Variants in RUFY1 observed in about 807,000 individuals in gnomAD.
RUFY1 encodes the protein RUN and FYVE domain-containing protein 1.
Under a neutral mutation model 94.6 loss-of-function variants are expected in RUFY1, and 54 were observed. The ratio of observed to expected loss-of-function variants is 0.57; its 90% CI spans 0.46 to 0.72. The LOEUF is 0.72. Among genes scored for constraint, RUFY1 ranks in the 30% least tolerant of loss-of-function variants. The pLI is 0.00. For missense variants in RUFY1, 883 were observed against 883.9 expected (o/e 1.00, Z 0.01); for synonymous variants, 396 against 347.3 (o/e 1.14, Z -1.56).
chr5:179,601,842 AAG>A, intron 14 of RUFY1, 48 bp from the exon 15 acceptor site: 6 of 1,070,472 alleles, frequency 5.6e-6, no homozygotes, highest in East Asian at 2.5e-5. Context: ...AAAAAAAAAA[AAG>A]GACCGTGTAA....
At chr5:179,552,650 C>T (rs77216459) in intron 1 of RUFY1, among the ~76,000 whole-genome samples, 18,684 of 152,114 alleles carry the variant, frequency 0.12, 1,301 homozygotes, top group South Asian at 0.2. Context: ...CAAGGCATGG[C>T]GTCTCCTGGA....
intron 6 of RUFY1, among the ~76,000 whole-genome samples, chr5:179,577,706 C>A (rs868600112): frequency 0.017 from 2,630 of 151,136 alleles, 98 homozygotes; most frequent in African/African-American, 0.061. Flanking sequence ...TGATTGGGCC[C>A]GGTGGTGTGG....
Position 179,569,411 on chromosome 5 carries a change from G to C in RUFY1, c.814G>C (p.Asp272His), listed in dbSNP as rs1278193822. ...LDANLCLKGE[D>H]LDSQVGVIDF... ...TGCCAATCTCTGCTTGAAAGGAGAA[G>C]ACTTGGATTCTCAGGTAAAATGAAA... is the stretch of plus-strand genomic sequence containing the variant. The change falls in exon 5 of 18, where the codon GAC (aspartate) becomes CAC (histidine). Residue 272 changes from aspartate to histidine, a missense_variant. Coordinates refer to ENST00000319449, the MANE Select transcript of RUFY1 (RefSeq NM_025158.5). 6.2e-7 allele frequency: 1 copy of C among 1,613,546 alleles called. No individual in the cohort carries two copies. Among genetic ancestry groups the C allele is most frequent in the Non-Finnish European group, 8.5e-7 (1 of 1,179,920 alleles).
At chr5:179,609,211 A>G (rs1241120108) in intron 17 of RUFY1, among the ~76,000 whole-genome samples, 165 bp from the exon 18 acceptor site, 1 of 147,224 alleles carries the variant, frequency 6.8e-6, no homozygotes, top group African/African-American at 2.5e-5. Flanking sequence ...TATCTCAAAA[A>G]AAAAAAAAAA....
chr5:179,578,739 G>A lies in RUFY1; in HGVS notation c.890+1603G>A, dbSNP rs369325842. Among the ~76,000 whole-genome samples the A allele has an allele frequency of 2.5e-4, 38 of 152,166 alleles. 1 individual carries two copies. The East Asian group carries it at 6.8e-3, about 27-fold the overall frequency. On this transcript the variant is annotated intron_variant, in intron 6 of 17. Coordinates refer to ENST00000319449, the MANE Select transcript of RUFY1 (RefSeq NM_025158.5). The stretch of plus-strand genomic sequence containing the variant: ...GCTCACCGAAACCTCCACCTCCCAG[G>A]TTCAAGCGATTCTCCTGCCTCAACC...
At chr5:179,552,761 G>A in intron 1 of RUFY1, among the ~76,000 whole-genome samples, 1 of 152,288 alleles carries the variant, frequency 6.6e-6, no homozygotes, top group Non-Finnish European at 1.5e-5. Flanking sequence ...AAATTAAAAA[G>A]ATAAAATGAA....
At chr5:179,579,635 C>T (rs1248876034) in intron 6 of RUFY1, among the ~76,000 whole-genome samples, 1 of 111,304 alleles carries the variant, frequency 9.0e-6, no homozygotes, top group African/African-American at 3.1e-5. Flanking sequence ...CCTGGCCTAA[C>T]AAAATATACC....
chr5:179,583,071 G>C (rs1026617967), intron 7 of RUFY1, among the ~76,000 whole-genome samples: 1 of 151,956 alleles, frequency 6.6e-6, no homozygotes, highest in African/African-American at 2.4e-5. Context: ...GGGAGGCCAA[G>C]GCAGATGGAT....
At chr5:179,584,807 T>A (rs978276155) in intron 7 of RUFY1, among the ~76,000 whole-genome samples, 2 of 151,870 alleles carry the variant, frequency 1.3e-5, no homozygotes, top group Non-Finnish European at 2.9e-5. Context: ...TATTAAATAA[T>A]ATTTTTTAAA....
chr5:179,593,694 C>G (rs575948195), intron 11 of RUFY1, 49 bp downstream of exon 11: 1 of 1,589,726 alleles, frequency 6.3e-7, no homozygotes, highest in African/African-American at 1.3e-5. Context: ...CTGCTGCTCG[C>G]CAGTCTTGTG....
At chr5:179,601,254 C>T (rs555602511) in intron 14 of RUFY1, among the ~76,000 whole-genome samples, 51 of 151,948 alleles carry the variant, frequency 3.4e-4, no homozygotes, top group Non-Finnish European at 6.6e-4. Flanking sequence ...CTGCAACCTC[C>T]GCCTCCCGGG....
At chr5:179,584,992 A>G (rs892094138) in intron 7 of RUFY1, among the ~76,000 whole-genome samples, 3 of 151,728 alleles carry the variant, frequency 2.0e-5, no homozygotes, top group Non-Finnish European at 2.9e-5. Flanking sequence ...TTAGCCGAGC[A>G]TGTTGACGGG....
At chr5:179,606,192 T>G in intron 16 of RUFY1, 1 of 529,806 alleles carries the variant, frequency 1.9e-6, no homozygotes, top group South Asian at 2.3e-5. Context: ...GGGCATTCCC[T>G]AAGGGGGAAG....
chr5:179,581,080 T>G, intron 7 of RUFY1, 68 bp downstream of exon 7: 1 of 934,910 alleles, frequency 1.1e-6, no homozygotes, highest in Non-Finnish European at 1.7e-6. Context: ...TCATGGAACT[T>G]CGAGTTGCCA....
At chr5:179,597,812 G>C (rs1473781820) in intron 13 of RUFY1, among the ~76,000 whole-genome samples, 5 of 152,226 alleles carry the variant, frequency 3.3e-5, no homozygotes, top group African/African-American at 1.2e-4. Flanking sequence ...AGCTGGTAAA[G>C]GGCAGAGTCA....
intron 5 of RUFY1, among the ~76,000 whole-genome samples, chr5:179,570,335 A>C (rs567305334): frequency 1.3e-5 from 2 of 152,348 alleles, no homozygotes; most frequent in East Asian, 3.9e-4. Flanking sequence ...AGATACAGCA[A>C]AAGCCTTGAG....
intron 2 of RUFY1, among the ~76,000 whole-genome samples, chr5:179,561,823 C>G (rs1762484622): frequency 6.7e-6 from 1 of 150,336 alleles, no homozygotes; most frequent in South Asian, 2.1e-4. Context: ...GCTGGGACTA[C>G]AGACGCCCAC....
intron 15 of RUFY1, 64 bp from the exon 16 acceptor site, chr5:179,605,812 G>A: frequency 9.5e-7 from 1 of 1,050,216 alleles, no homozygotes; most frequent in Non-Finnish European, 1.5e-6. Flanking sequence ...AGAGCCAGCT[G>A]TGTTAGGGAT....
At chr5:179,578,645 T>C (rs1763851131) in intron 6 of RUFY1, among the ~76,000 whole-genome samples, 4 of 152,114 alleles carry the variant, frequency 2.6e-5, no homozygotes, top group Admixed American at 2.6e-4. Flanking sequence ...TTTGTTTGTT[T>C]GTTTGTTTGT....
Sources: gnomAD v4.1 joint callset for allele counts (sites outside exome capture counted in the v4.1 genomes callset) on GRCh38, gnomAD v4.1.1 for gene constraint, MANE v1.5 for transcripts, NCBI Gene and HGNC (gene_info 2026-07-23, HGNC 2026-07-21) for gene names.